Variants in VEGFC observed in about 807,000 individuals in gnomAD.
VEGFC encodes FLT4 ligand DHM.
VEGFC carries 12 observed loss-of-function variants against 46.1 expected under a neutral mutation model. The observed-to-expected ratio is 0.26, with a 90% CI of 0.17 to 0.42. VEGFC has a LOEUF of 0.42. VEGFC is among the 10% of genes least tolerant of loss of function. The pLI, the probability that VEGFC is intolerant of heterozygous loss-of-function variation, is 1.00. For missense variants in VEGFC, 488 were observed against 529.4 expected (o/e 0.92, Z 0.77); for synonymous variants, 232 against 195.5 (o/e 1.19, Z -1.56).
chr4:176,754,571 G>A (rs746914889), intron 1 of VEGFC, among the ~76,000 whole-genome samples: 1 of 151,836 alleles, frequency 6.6e-6, no homozygotes, highest in African/African-American at 2.4e-5. Context: ...TTCTGAATCT[G>A]ACTCCACATC....
chr4:176,737,268 TAG>T, intron 1 of VEGFC, among the ~76,000 whole-genome samples: 1 of 98,502 alleles, frequency 1.0e-5, no homozygotes, highest in African/African-American at 2.9e-5. Flanking sequence ...TTAATAAATA[TAG>T]AATATGTTTA....
chr4:176,710,681 C>A (rs1451108730), intron 4 of VEGFC, among the ~76,000 whole-genome samples: 1 of 152,094 alleles, frequency 6.6e-6, no homozygotes, highest in Non-Finnish European at 1.5e-5. Context: ...TAAGTTTCAT[C>A]CATATGCACC....
At chr4:176,771,678 C>T (rs1735725186) in intron 1 of VEGFC, among the ~76,000 whole-genome samples, 1 of 152,122 alleles carries the variant, frequency 6.6e-6, no homozygotes, top group African/African-American at 2.4e-5. Flanking sequence ...TATCTGGTAC[C>T]AGTGCTGTGG....
Position 176,690,706 on chromosome 4 carries a change from A to G in VEGFC, c.705-2779T>C, listed in dbSNP as rs145678547. On this transcript the variant is annotated intron_variant, in intron 4 of 6. Transcript: ENST00000618562. Reference sequence around the variant, plus strand: ...TACAACTTATATTAAGTTCTATAATAGCAATGCAATTAATCCTGGCTGCAT... The same window carrying G: ...TACAACTTATATTAAGTTCTATAATGGCAATGCAATTAATCCTGGCTGCAT... Among the ~76,000 whole-genome samples, 592 of 152,142 alleles carry G rather than the reference A, an allele frequency of 3.9e-3. 13 individuals carry two copies. Among genetic ancestry groups the G allele is most frequent in the East Asian group, 0.016 (84 of 5,188 alleles).
chr4:176,752,544 T>A (rs1735358818), intron 1 of VEGFC, among the ~76,000 whole-genome samples: 1 of 152,106 alleles, frequency 6.6e-6, no homozygotes, highest in South Asian at 2.1e-4. Flanking sequence ...CTCTTCACTA[T>A]TAAAACGGAA....
intron 1 of VEGFC, among the ~76,000 whole-genome samples, chr4:176,747,051 T>C (rs1735269664): frequency 6.6e-6 from 1 of 152,166 alleles, no homozygotes. Flanking sequence ...ATAAGTAGTA[T>C]GCTTTTGCTT....
At chr4:176,775,648 T>G (rs895786800) in intron 1 of VEGFC, among the ~76,000 whole-genome samples, 1 of 152,234 alleles carries the variant, frequency 6.6e-6, no homozygotes, top group Non-Finnish European at 1.5e-5. Flanking sequence ...CTAATTTTGA[T>G]GATTATGATG....
chr4:176,705,950 CAA>C (rs1734526484), intron 4 of VEGFC: 1 of 152,050 alleles, frequency 6.6e-6, no homozygotes, highest in East Asian at 1.9e-4. Context: ...TACTCAAACT[CAA>C]AGAGAAATCA....
Position 176,792,279 on chromosome 4 carries a change from A to C in VEGFC, c.33T>G (p.Cys11Trp). 1 of 1,544,028 alleles carries C rather than the reference A, an allele frequency of 6.5e-7. No individual in the cohort carries two copies. The highest frequency in any genetic ancestry group is 8.7e-7 in the Non-Finnish European group (1 of 1,147,506). The change falls in exon 1 of 7, where the codon TGT (cysteine) becomes TGG (tryptophan). Residue 11 changes from cysteine to tryptophan, a missense_variant. Physicochemically the swap from Cys to Trp is radical, Grantham distance 215 (BLOSUM62 -2). Coordinates refer to ENST00000618562, the MANE Select transcript of VEGFC (RefSeq NM_005429.5). The surrounding 1 kb of genome is among the most constrained non-coding windows in gnomAD (Gnocchi z 6.3). The stretch of plus-strand genomic sequence containing the variant: ...GGAGCAGCGCAGCGGCGAGCAGAGA[A>C]CACGCCACAGAGAAGAAGCCCAGCA... MHLLGFFSVA[C>W]SLLAAALLPG...
intron 1 of VEGFC, among the ~76,000 whole-genome samples, chr4:176,785,835 G>T (rs1288484783): frequency 6.6e-6 from 1 of 152,122 alleles, no homozygotes; most frequent in Non-Finnish European, 1.5e-5. Flanking sequence ...TATGTGTGTG[G>T]GGGGTTCTGT....
intron 1 of VEGFC, among the ~76,000 whole-genome samples, chr4:176,746,867 C>A (rs984188700): frequency 6.6e-6 from 1 of 152,076 alleles, no homozygotes; most frequent in Non-Finnish European, 1.5e-5. Context: ...TAAAATAAGG[C>A]AGATGCCAGA....
chr4:176,740,395 T>TAG (rs1579116325), intron 1 of VEGFC, among the ~76,000 whole-genome samples: 4 of 119,522 alleles, frequency 3.3e-5, no homozygotes, highest in African/African-American at 1.3e-4. Context: ...TAACTATATA[T>TAG]TTATATATAG....
intron 3 of VEGFC, among the ~76,000 whole-genome samples, chr4:176,714,991 C>T (rs1026484227): frequency 6.6e-6 from 1 of 152,124 alleles, no homozygotes; most frequent in African/African-American, 2.4e-5. Context: ...GGTAAAACAG[C>T]ACTAAAACCA....
intron 1 of VEGFC, among the ~76,000 whole-genome samples, chr4:176,749,969 T>C (rs1735315469): frequency 6.6e-6 from 1 of 151,724 alleles, no homozygotes; most frequent in South Asian, 2.1e-4. Flanking sequence ...AAAATTACAG[T>C]GTAAACATTT....
chr4:176,706,218 G>C (rs1323916547), intron 4 of VEGFC: 1 of 152,078 alleles, frequency 6.6e-6, no homozygotes, highest in African/African-American at 2.4e-5. Flanking sequence ...TTCTCTAATA[G>C]GATCTAGAAG....
Position 176,683,835 on chromosome 4 carries a change from C to T in VEGFC, c.*91G>A, listed in dbSNP as rs548444170. On this transcript the variant is annotated 3_prime_UTR_variant, in exon 7 of 7. Coordinates refer to ENST00000618562, the MANE Select transcript of VEGFC (RefSeq NM_005429.5). Reference sequence around the variant, plus strand: ...AGACTTTTGTCTTTGTTAGCATGGACCCACAAGGGTCTCTCTGTTCACAGA... The same window carrying T: ...AGACTTTTGTCTTTGTTAGCATGGATCCACAAGGGTCTCTCTGTTCACAGA... The T allele has an allele frequency of 7.0e-4, 731 of 1,040,114 alleles. 4 individuals are homozygous for T. The highest frequency in any genetic ancestry group is 9.4e-4 in the Non-Finnish European group (630 of 673,412). The allele number at this position is 1,040,114 out of a possible 1,614,324, so 64.4% of individuals were successfully genotyped here.
intron 1 of VEGFC, among the ~76,000 whole-genome samples, chr4:176,761,285 T>C (rs746040435): frequency 2.0e-5 from 3 of 152,210 alleles, no homozygotes; most frequent in Admixed American, 6.5e-5. Flanking sequence ...AACATTCTAA[T>C]ATAAATATCC....
At position 176,763,506 on chromosome 4, in the gene VEGFC, T is replaced by A. The variant is rs575537211; in HGVS notation, c.147+28659A>T. Among the ~76,000 whole-genome samples the A allele has an allele frequency of 5.9e-5, 9 of 152,326 alleles. No individual in the cohort carries two copies. The East Asian group carries it at 1.7e-3, about 29-fold the overall frequency. On this transcript the variant is annotated intron_variant, in intron 1 of 6. Coordinates refer to ENST00000618562, the MANE Select transcript of VEGFC (RefSeq NM_005429.5). ...AACTCAATGAAATATTTATAAGGAA[T>A]ACATATACATAAAACTCAATGGGAC...
intron 2 of VEGFC, among the ~76,000 whole-genome samples, chr4:176,728,678 G>C (rs1560947811): frequency 6.6e-6 from 1 of 152,052 alleles, no homozygotes; most frequent in Non-Finnish European, 1.5e-5. Flanking sequence ...TACTTCCTAA[G>C]TATACTAGTT....
Sources: allele counts gnomAD v4.1 joint callset (sites outside exome capture counted in the v4.1 genomes callset), GRCh38; gene constraint gnomAD v4.1.1; non-coding constraint Gnocchi (gnomAD v3.1); transcripts MANE v1.5; gene names NCBI Gene and HGNC (gene_info 2026-07-23, HGNC 2026-07-21).